Variants in MAPK10 observed in about 807,000 individuals in gnomAD.
MAPK10 encodes the protein JNK3 alpha protein kinase.
A neutral mutation model predicts 59.3 loss-of-function variants in MAPK10; 25 were observed. The ratio of observed to expected loss-of-function variants is 0.42; its 90% CI spans 0.31 to 0.59. The LOEUF is 0.59. MAPK10 is among the 20% of genes least tolerant of loss of function. MAPK10 has a pLI of 0.15. For synonymous variants in MAPK10, 190 were observed against 200.5 expected (o/e 0.95, Z 0.44); for missense variants, 351 against 568.9 (o/e 0.62, Z 3.90).
chr4:86,139,944 A>T (rs1312474796), intron 4 of MAPK10, among the ~76,000 whole-genome samples: 1 of 147,344 alleles, frequency 6.8e-6, no homozygotes, highest in Non-Finnish European at 1.5e-5. Flanking sequence ...GCTCATCATC[A>T]CTGGCCATCA....
intron 2 of MAPK10, among the ~76,000 whole-genome samples, chr4:86,201,137 G>A (rs919819759): frequency 3.3e-5 from 5 of 151,726 alleles, no homozygotes; most frequent in Non-Finnish European, 5.9e-5. Flanking sequence ...TTCACATAAC[G>A]TCCTCCAGTT....
chr4:86,312,830 A>G, intron 2 of MAPK10, among the ~76,000 whole-genome samples: 1 of 152,130 alleles, frequency 6.6e-6, no homozygotes, highest in East Asian at 1.9e-4. Flanking sequence ...GAGAAACAGT[A>G]TTGGATTGTC....
At position 86,012,445 on chromosome 4, in the gene MAPK10, A is replaced by G. The variant is rs930584922; in HGVS notation, c.*4783T>C. ...ACGAGCAGCATCATAACCATTGTCA[A>G]CAGGCAAACTCCAACAATGTCTGGG... On this transcript the variant is annotated 3_prime_UTR_variant, in exon 14 of 14. Transcript: ENST00000641462. 3 of 152,232 alleles carry G rather than the reference A, an allele frequency of 2.0e-5. No homozygotes were observed. Among genetic ancestry groups the G allele is most frequent in the African/African-American group, 7.2e-5 (3 of 41,464 alleles). The allele number at this position is 152,232 out of a possible 1,614,324, so 9.4% of individuals were successfully genotyped here.
chr4:86,420,155 G>T (rs1003724099), intron 1 of MAPK10, among the ~76,000 whole-genome samples: 2 of 152,168 alleles, frequency 1.3e-5, no homozygotes, highest in African/African-American at 2.4e-5. Context: ...TCAAGGAGCT[G>T]CATATCACTT....
At chr4:86,135,208 T>A (rs2061745486) in intron 4 of MAPK10, among the ~76,000 whole-genome samples, 1 of 152,216 alleles carries the variant, frequency 6.6e-6, no homozygotes, top group African/African-American at 2.4e-5. Flanking sequence ...CCTGCCTGCC[T>A]CTGGAGGCTC....
chr4:86,581,917 ATATATAT>A (rs1420902770), intron 1 of MAPK10, among the ~76,000 whole-genome samples: 7 of 59,116 alleles, frequency 1.2e-4, no homozygotes, highest in African/African-American at 3.0e-4. Context: ...ATATATATAT[ATATATAT>A]ATATATATAT....
At chr4:86,291,369 A>G (rs1185516771) in intron 2 of MAPK10, among the ~76,000 whole-genome samples, 2 of 152,234 alleles carry the variant, frequency 1.3e-5, no homozygotes, top group African/African-American at 2.4e-5. Flanking sequence ...GAGTCGGCCA[A>G]TGCCAGATAG....
chr4:86,122,532 C>T (rs1224883821), intron 4 of MAPK10, among the ~76,000 whole-genome samples: 1 of 152,080 alleles, frequency 6.6e-6, no homozygotes, highest in Non-Finnish European at 1.5e-5. Context: ...GGGTCTTGAT[C>T]CCACTTGTTT....
chr4:86,295,084 A>G (rs2095323887), intron 2 of MAPK10, among the ~76,000 whole-genome samples: 1 of 152,230 alleles, frequency 6.6e-6, no homozygotes, highest in South Asian at 2.1e-4. Context: ...AAAATACAGC[A>G]TAAAATCAGA....
chr4:86,495,105 GCTCCAACAAGTTTAGGGTATAC>G (rs958996532), intron 1 of MAPK10, among the ~76,000 whole-genome samples: 3 of 152,214 alleles, frequency 2.0e-5, no homozygotes, highest in African/African-American at 7.2e-5. Context: ...TTTCAGGGCT[GCTCCAACAAGTTTAGGGTATAC>G]CTCCAACATG....
chr4:86,350,993 G>A lies in MAPK10; in HGVS notation c.-7+3537C>T, dbSNP rs186206577. On this transcript the variant is annotated intron_variant, in intron 2 of 13. Transcript: ENST00000641462. ...TTCTTTGCATTTTTTTGCAGGCATC[G>A]TATCTATTCTTAACCTGACACTTAG... Among the ~76,000 whole-genome samples, 73 of 152,106 alleles carry A rather than the reference G, an allele frequency of 4.8e-4. 1 individual carries two copies. Among genetic ancestry groups the A allele is most frequent in the Non-Finnish European group, 5.4e-4 (37 of 68,002 alleles).
At position 86,390,504 on chromosome 4, in the gene MAPK10, C is replaced by T. The variant is rs139029697; in HGVS notation, c.-121-35860G>A. 4.7e-3 allele frequency among the ~76,000 whole-genome samples: 715 copies of T among 152,276 alleles called. 5 individuals are homozygous for T. Among genetic ancestry groups the T allele is most frequent in the Non-Finnish European group, 8.7e-3 (592 of 68,024 alleles). ...CTACTTTGAGCTAGGGTAGGGGCTT[C>T]CATGAGAGCACTTAGAAAGCTTCAA... On this transcript the variant is annotated intron_variant, in intron 1 of 13. Transcript: ENST00000361569.
chr4:86,570,790 T>C (rs1245268727), intron 1 of MAPK10, among the ~76,000 whole-genome samples: 2 of 152,148 alleles, frequency 1.3e-5, no homozygotes, highest in East Asian at 1.9e-4. Context: ...ACATTTAGTC[T>C]GAAAAACTAA....
At chr4:86,242,991 TC>T (rs2092838913) in intron 2 of MAPK10, among the ~76,000 whole-genome samples, 1 of 152,196 alleles carries the variant, frequency 6.6e-6, no homozygotes. Context: ...GTTGCACAGT[TC>T]CGTGGGAAAA....
rs561485695 is a variant in MAPK10, at chr4:86,354,288, G to C, written c.-7+242C>G. Among the ~76,000 whole-genome samples, 16 of 152,160 alleles carry C rather than the reference G, an allele frequency of 1.1e-4. No individual in the cohort carries two copies. The South Asian group carries it at 2.7e-3, about 26-fold the overall frequency. Reference sequence around the variant, plus strand: ...ATGTTAATTGCAGGTATCATCCATGGTGGTAGTATCATGGTGTTATATGCT... The same window carrying C: ...ATGTTAATTGCAGGTATCATCCATGCTGGTAGTATCATGGTGTTATATGCT... On this transcript the variant is annotated intron_variant, in intron 2 of 13. Transcript: ENST00000641462.
intron 1 of MAPK10, among the ~76,000 whole-genome samples, chr4:86,527,456 T>G (rs1344012642): frequency 6.6e-6 from 1 of 150,524 alleles, no homozygotes; most frequent in Non-Finnish European, 1.5e-5. Context: ...AAAACTACAA[T>G]GAGATACCAT....
At chr4:86,020,150 G>GA (rs1188864397) in intron 13 of MAPK10, 1 of 152,146 alleles carries the variant, frequency 6.6e-6, no homozygotes, top group Non-Finnish European at 1.5e-5. Context: ...TGCCTGTTCT[G>GA]AACATTTCAT....
At chr4:86,194,270 T>C in intron 3 of MAPK10, 66 bp downstream of exon 3, 1 of 1,193,996 alleles carries the variant, frequency 8.4e-7, no homozygotes, top group Admixed American at 1.7e-5. Flanking sequence ...TGTATGCAAA[T>C]GGTATGTCAA....
At chr4:86,113,859 T>C (rs1334494925) in intron 4 of MAPK10, among the ~76,000 whole-genome samples, 1 of 152,234 alleles carries the variant, frequency 6.6e-6, no homozygotes, top group African/African-American at 2.4e-5. Flanking sequence ...CAATCAGTCA[T>C]ATGTTCGGTC....
Sources: gnomAD v4.1 joint callset for allele counts (sites outside exome capture counted in the v4.1 genomes callset) on GRCh38, gnomAD v4.1.1 for gene constraint, MANE v1.5 for transcripts, NCBI Gene and HGNC (gene_info 2026-07-23, HGNC 2026-07-21) for gene names.